Variants in SSUH2 observed in about 807,000 individuals in gnomAD.
SSUH2 encodes the protein ssu-2 homolog, also known as protein SSUH2 homolog.
SSUH2 carries 47 observed loss-of-function variants against 55.3 expected under a neutral mutation model. The observed-to-expected ratio is 0.85, with a 90% CI of 0.67 to 1.08. The LOEUF (loss-of-function observed/expected upper bound fraction) is 1.08. Among genes scored for constraint, SSUH2 ranks in the 50% least tolerant of loss-of-function variants. The pLI, the probability that SSUH2 is intolerant of heterozygous loss-of-function variation, is 0.00. For synonymous variants in SSUH2, 212 were observed against 191.5 expected, an observed-to-expected ratio of 1.11 and a Z score of -0.89; for missense variants, 535 against 490.7, an observed-to-expected ratio of 1.09 and a Z score of -0.85.
At position 8,679,464 on chromosome 3, in the gene SSUH2, G is replaced by C. The variant is rs1339379179; in HGVS notation, c.-901+241C>G. On this transcript the variant is annotated intron_variant, in intron 2 of 18. Transcript: ENST00000317371. ...TCACAGCGGGGGGAGGCACCCCCCG[G>C]GAGGCGGGGACTGAGAACCAGCCCC... Among the ~76,000 whole-genome samples the C allele has an allele frequency of 6.6e-3, 768 of 115,946 alleles. 9 individuals carry two copies. The highest frequency in any genetic ancestry group is 0.016 in the Middle Eastern group (3 of 192). The allele number at this position is 115,946 out of a possible 152,430, so 76.1% of individuals were successfully genotyped here.
rs1702797743 is a variant in SSUH2, at chr3:8,654,990, TGG to T, written c.-307+3933_-307+3934del. ...GTGTGTGGCCTCCCCAAGATCACAGTGGGTGGCCTCATCCCCCAGTCTCAGTG... is the reference window on the plus strand; with the variant it reads ...GTGTGTGGCCTCCCCAAGATCACAGTGTGGCCTCATCCCCCAGTCTCAGTG... On this transcript the variant is annotated intron_variant, in intron 7 of 18. Transcript: ENST00000317371. 9.0e-4 allele frequency among the ~76,000 whole-genome samples: 3 copies of T among 3,332 alleles called. 1 individual carries two copies. The allele number at this position is 3,332 out of a possible 152,430, so 2.2% of individuals were successfully genotyped here. A position where few individuals can be genotyped will look rare whatever the true frequency, so the allele number is the denominator to read the frequency against.
Position 8,635,323 on chromosome 3 carries a change from G to A in SSUH2, c.186C>T (p.Ser62=). Residue 62 remains serine, a synonymous_variant, in exon 3 of 12, where the codon TCC becomes TCT. Coordinates refer to ENST00000544814, the MANE Select transcript of SSUH2 (RefSeq NM_001256748.3). The part of the protein sequence containing the change: ...EAPGRPQEQR[S]WPSFLEHRVP... ...ACCTGTGTTCCAGGAACGAGGGCCAGGACCTTTGCTCCTGGGGCCTCCCTG... is the reference window on the plus strand; with the variant it reads ...ACCTGTGTTCCAGGAACGAGGGCCAAGACCTTTGCTCCTGGGGCCTCCCTG... The A allele has an allele frequency of 2.6e-6, 4 of 1,535,980 alleles. No homozygotes were observed. The highest frequency in any genetic ancestry group is 1.7e-6 in the Non-Finnish European group (2 of 1,146,802).
chr3:8,632,342 G>A (rs1056881159), intron 4 of SSUH2, among the ~76,000 whole-genome samples: 1 of 152,160 alleles, frequency 6.6e-6, no homozygotes, highest in African/African-American at 2.4e-5. Context: ...GCTCAAACTA[G>A]AGCTAATTCA....
intron 6 of SSUH2, chr3:8,659,502 A>C: frequency 4.0e-6 from 1 of 249,040 alleles, no homozygotes; most frequent in Non-Finnish European, 7.8e-6. Flanking sequence ...CTGGTCATGC[A>C]CACTGTCTGT....
At chr3:8,627,877 C>T in intron 7 of SSUH2, 94 bp from the exon 8 acceptor site, 2 of 1,092,032 alleles carry the variant, frequency 1.8e-6, no homozygotes, top group Non-Finnish European at 1.3e-6. Context: ...GCCTGGTGAC[C>T]TTCCTCCCCC....
chr3:8,653,382 C>T (rs1469360789), intron 7 of SSUH2, among the ~76,000 whole-genome samples: 1 of 152,192 alleles, frequency 6.6e-6, no homozygotes, highest in Non-Finnish European at 1.5e-5. Flanking sequence ...CTCCAATGTC[C>T]ACATGTCAAT....
chr3:8,638,672 G>A (rs971536439), intron 1 of SSUH2, among the ~76,000 whole-genome samples: 1 of 152,340 alleles, frequency 6.6e-6, no homozygotes, highest in Admixed American at 6.5e-5. Flanking sequence ...GACAATGTGT[G>A]CATAGTCCTT....
Position 8,619,835 on chromosome 3 carries a change from T to C in SSUH2, c.*33A>G. On this transcript the variant is annotated 3_prime_UTR_variant, in exon 12 of 12. Transcript: ENST00000544814. ...TGTCGGCCATCTTCCTTGGCAAACG[T>C]GAATGGCAGGCTCTGGGGACAGCCA... 2 of 1,605,386 alleles carry C rather than the reference T, an allele frequency of 1.2e-6. No homozygotes were observed. Among genetic ancestry groups the C allele is most frequent in the East Asian group, 4.5e-5 (2 of 44,734 alleles).
chr3:8,659,761 T>C (rs914075485), intron 6 of SSUH2: 1 of 456,370 alleles, frequency 2.2e-6, no homozygotes, highest in Admixed American at 2.4e-5. Context: ...AATGGGTATT[T>C]ATTGTGTGCA....
chr3:8,676,488 C>T (rs1705290167), intron 3 of SSUH2, among the ~76,000 whole-genome samples: 1 of 150,860 alleles, frequency 6.6e-6, no homozygotes, highest in Admixed American at 6.6e-5. Flanking sequence ...CATATCACCC[C>T]CTCTGCCTTG....
At chr3:8,674,571 AT>A (rs1293129122) in intron 3 of SSUH2, among the ~76,000 whole-genome samples, 2 of 152,166 alleles carry the variant, frequency 1.3e-5, no homozygotes, top group Non-Finnish European at 2.9e-5. Flanking sequence ...CACCGGAGCC[AT>A]GGGGGTTTCA....
Position 8,625,641 on chromosome 3 carries a change from G to C in SSUH2, c.774C>G (p.Asn258Lys), listed in dbSNP as rs748540146. 1.9e-6 allele frequency: 3 copies of C among 1,612,116 alleles called. No individual in the cohort carries two copies. The highest frequency in any genetic ancestry group is 2.2e-5 in the South Asian group (2 of 91,000). ...HFIQLVIMWK[N>K]SLFEFVSEHR... Reference sequence around the variant, plus strand: ...GCTCAGACACAAACTCAAACAAGCTGTTCTTCCTGGAGGGAAGGAGGATGA... The same window carrying C: ...GCTCAGACACAAACTCAAACAAGCTCTTCTTCCTGGAGGGAAGGAGGATGA... Residue 258 changes from asparagine (N) to lysine (K), a missense_variant, in exon 10 of 12, where the codon AAC becomes AAG. Coordinates refer to ENST00000544814, the MANE Select transcript of SSUH2 (RefSeq NM_001256748.3).
chr3:8,658,470 TC>T (rs1703154786), intron 7 of SSUH2, among the ~76,000 whole-genome samples: 1 of 152,178 alleles, frequency 6.6e-6, no homozygotes, highest in Non-Finnish European at 1.5e-5. Context: ...CAGACCAGCC[TC>T]CATTGGCGAC....
chr3:8,623,181 G>A (rs1475329854), intron 11 of SSUH2, among the ~76,000 whole-genome samples: 1 of 152,228 alleles, frequency 6.6e-6, no homozygotes, highest in Non-Finnish European at 1.5e-5. Flanking sequence ...GGCCTCAGGG[G>A]CAAGACACTG....
intron 1 of SSUH2, among the ~76,000 whole-genome samples, chr3:8,639,675 T>C (rs1700513882): frequency 6.6e-6 from 1 of 152,336 alleles, no homozygotes. Context: ...CTTTTTAAAA[T>C]GTCATTCCCT....
intron 7 of SSUH2, among the ~76,000 whole-genome samples, chr3:8,656,580 G>A (rs769831321): frequency 2.5e-4 from 38 of 152,180 alleles, no homozygotes; most frequent in Non-Finnish European, 4.1e-4. Flanking sequence ...GGGACACGAC[G>A]GGGAGCGAGG....
At chr3:8,640,688 GAGAGAGAAGC>G (rs1301364096) in intron 1 of SSUH2, among the ~76,000 whole-genome samples, 7 of 152,178 alleles carry the variant, frequency 4.6e-5, no homozygotes, top group African/African-American at 7.2e-5. Context: ...AAGCCTGCTG[GAGAGAGAAGC>G]ATGAATAGTT....
At chr3:8,670,643 C>A (rs1186093796) in intron 5 of SSUH2, among the ~76,000 whole-genome samples, 1 of 151,998 alleles carries the variant, frequency 6.6e-6, no homozygotes, top group Non-Finnish European at 1.5e-5. Context: ...AGTAACACCC[C>A]CGAGGATATA....
rs1311002153 is a variant in SSUH2, at chr3:8,676,943, C to CG, written c.-753+262dup. ...CCTGGCTCTTAGGACCCCCATAGTA[C>CG]GGGGGGAAGGCATCCCCCTGTGAGG... On this transcript the variant is annotated intron_variant, in intron 3 of 18. Transcript: ENST00000317371. Among the ~76,000 whole-genome samples the CG allele has an allele frequency of 2.4e-4, 32 of 131,032 alleles. 1 individual carries two copies. The South Asian group carries it at 6.5e-3, about 27-fold the overall frequency. The allele number at this position is 131,032 out of a possible 152,430, so 86.0% of individuals were successfully genotyped here.
Sources: allele counts gnomAD v4.1 joint callset (sites outside exome capture counted in the v4.1 genomes callset), GRCh38; gene constraint gnomAD v4.1.1; transcripts MANE v1.5; gene names NCBI Gene and HGNC (gene_info 2026-07-23, HGNC 2026-07-21).